The following PITPNA variants were observed in gnomAD, a reference collection of about 807,000 sequenced individuals.
PITPNA encodes the protein phosphatidylinositol transfer protein alpha.
A neutral mutation model predicts 50.3 loss-of-function variants in PITPNA; 13 were observed. The ratio of observed to expected loss-of-function variants is 0.26; its 90% CI spans 0.17 to 0.41. PITPNA has a LOEUF of 0.41. Ranked by LOEUF, PITPNA falls within the 10% of genes least tolerant of loss-of-function variation. PITPNA has a pLI of 1.00. For synonymous variants in PITPNA, 120 were observed against 119.6 expected (o/e 1.00, Z -0.02); for missense variants, 207 against 333.4 (o/e 0.62, Z 2.95).
intron 10 of PITPNA, among the ~76,000 whole-genome samples, chr17:1,528,541 A>G (rs1415032861): frequency 1.3e-5 from 2 of 152,018 alleles, no homozygotes; most frequent in Admixed American, 6.6e-5. Context: ...GAGACCAGTA[A>G]TTCAAGACCA....
At chr17:1,549,243 A>G (rs1037818750) in intron 3 of PITPNA, among the ~76,000 whole-genome samples, 1 of 146,246 alleles carries the variant, frequency 6.8e-6, no homozygotes, top group African/African-American at 2.5e-5. Flanking sequence ...ACAGAACAAC[A>G]TGTACAGTAT....
At chr17:1,546,812 G>T (rs1347886048) in intron 4 of PITPNA, among the ~76,000 whole-genome samples, 4 of 152,158 alleles carry the variant, frequency 2.6e-5, no homozygotes, top group African/African-American at 9.7e-5. Context: ...AGAATGTCTG[G>T]ACTAGAATAG....
chr17:1,549,380 G>A (rs1434195055), intron 3 of PITPNA, among the ~76,000 whole-genome samples: 3 of 146,040 alleles, frequency 2.1e-5, no homozygotes, highest in African/African-American at 7.7e-5. Flanking sequence ...GTAGTGGCTC[G>A]ATCTTGGCTC....
At chr17:1,558,132 G>A (rs1360043016) in intron 2 of PITPNA, among the ~76,000 whole-genome samples, 1 of 151,726 alleles carries the variant, frequency 6.6e-6, no homozygotes, top group Non-Finnish European at 1.5e-5. Flanking sequence ...TTGGGAGGCT[G>A]AGGCAGGAGA....
intron 4 of PITPNA, among the ~76,000 whole-genome samples, chr17:1,546,867 A>C (rs2075677284): frequency 6.6e-6 from 1 of 152,136 alleles, no homozygotes; most frequent in African/African-American, 2.4e-5. Flanking sequence ...CTTTCAAGAA[A>C]CTCTATGCAG....
At chr17:1,532,467 AAGCAGATCC>A (rs755221456) in intron 10 of PITPNA, among the ~76,000 whole-genome samples, 130 of 152,188 alleles carry the variant, frequency 8.5e-4, no homozygotes, top group Non-Finnish European at 1.6e-3. Flanking sequence ...GATCTGAACA[AAGCAGATCC>A]AGTAGATCCT....
chr17:1,562,602 TC>T lies in PITPNA; in HGVS notation c.-43del. The T allele has an allele frequency of 8.1e-7, 1 of 1,227,588 alleles. No homozygotes were observed. Among genetic ancestry groups the T allele is most frequent in the South Asian group, 3.1e-5 (1 of 31,968 alleles). The allele number at this position is 1,227,588 out of a possible 1,614,324, so 76.0% of individuals were successfully genotyped here. A position where few individuals can be genotyped will look rare whatever the true frequency, so the allele number is the denominator to read the frequency against. On this transcript the variant is annotated 5_prime_UTR_variant, in exon 1 of 12. Transcript: ENST00000313486. This position sits in a 1 kb window ranked among gnomAD's most constrained non-coding sequence, Gnocchi z 6.4. ...GTGGCTGCCCGCGGCCCGCCCGGCCTCCCGCCCGCTGCCCGCCGGCCGCTCT... is the reference window on the plus strand; with the variant it reads ...GTGGCTGCCCGCGGCCCGCCCGGCCTCCGCCCGCTGCCCGCCGGCCGCTCT...
intron 3 of PITPNA, among the ~76,000 whole-genome samples, chr17:1,548,739 T>C (rs145114165): frequency 3.0e-4 from 45 of 152,172 alleles, no homozygotes; most frequent in Admixed American, 1.3e-3. Context: ...AGGAGATGCC[T>C]CCAAGCATGA....
chr17:1,550,190 A>G (rs2075700815), intron 3 of PITPNA, among the ~76,000 whole-genome samples: 1 of 152,168 alleles, frequency 6.6e-6, no homozygotes, highest in African/African-American at 2.4e-5. Context: ...GAAACCAAAC[A>G]GATGTGGCTC....
intron 10 of PITPNA, among the ~76,000 whole-genome samples, chr17:1,523,801 A>G (rs1340074272): frequency 6.6e-6 from 1 of 151,746 alleles, no homozygotes; most frequent in Admixed American, 6.6e-5. Context: ...GAGCCACTGC[A>G]CCCAGCCACC....
chr17:1,554,067 C>T (rs1426134056), intron 2 of PITPNA, among the ~76,000 whole-genome samples: 2 of 152,204 alleles, frequency 1.3e-5, no homozygotes, highest in Admixed American at 6.5e-5. Context: ...CTCCTCTGAC[C>T]CTGTCAGGAT....
At chr17:1,528,793 C>G (rs932875667) in intron 10 of PITPNA, among the ~76,000 whole-genome samples, 2 of 151,608 alleles carry the variant, frequency 1.3e-5, no homozygotes, top group African/African-American at 2.4e-5. Flanking sequence ...GGGATGTTGG[C>G]TGATGTTCCA....
At chr17:1,559,324 A>G (rs987412836) in intron 1 of PITPNA, among the ~76,000 whole-genome samples, 1 of 152,168 alleles carries the variant, frequency 6.6e-6, no homozygotes, top group Non-Finnish European at 1.5e-5. Flanking sequence ...ATTGCTGGAG[A>G]TGCCACCAGC....
In PITPNA at chr17:1,553,527, C is replaced by G. The variant is rs571706993; in HGVS notation, c.52-378G>C. ...AAAGTGCTGAGATTATAAGCATGAG[C>G]CACCGTTCCCAGTCAATCCATCAGG... On this transcript the variant is annotated intron_variant, in intron 2 of 11. Transcript: ENST00000313486. 2.0e-5 allele frequency among the ~76,000 whole-genome samples: 3 copies of G among 152,216 alleles called. No individual in the cohort carries two copies. The South Asian group carries it at 6.2e-4, about 32-fold the overall frequency.
chr17:1,548,605 CAG>C (rs2075691298), intron 3 of PITPNA, among the ~76,000 whole-genome samples: 1 of 152,158 alleles, frequency 6.6e-6, no homozygotes, highest in Non-Finnish European at 1.5e-5. Flanking sequence ...CCACCAGAAA[CAG>C]GACCACACAA....
chr17:1,539,329 G>A (rs2075635815), intron 6 of PITPNA, among the ~76,000 whole-genome samples: 1 of 151,826 alleles, frequency 6.6e-6, no homozygotes, highest in Non-Finnish European at 1.5e-5. Context: ...TGATCCTCCT[G>A]TCTCAGTCTC....
chr17:1,556,648 T>A (rs1367061619), intron 2 of PITPNA, among the ~76,000 whole-genome samples: 2 of 152,088 alleles, frequency 1.3e-5, no homozygotes, highest in South Asian at 2.1e-4. Flanking sequence ...AATCCCGAGT[T>A]CCTGGGGCAC....
At chr17:1,532,779 G>A (rs1203421626) in intron 10 of PITPNA, among the ~76,000 whole-genome samples, 7 of 152,276 alleles carry the variant, frequency 4.6e-5, no homozygotes, top group African/African-American at 9.6e-5. Context: ...GATCCTTAGC[G>A]AAAGAATCAG....
intron 3 of PITPNA, among the ~76,000 whole-genome samples, chr17:1,551,192 G>C (rs986118057): frequency 2.0e-5 from 3 of 152,228 alleles, no homozygotes; most frequent in Non-Finnish European, 4.4e-5. Context: ...TTTCTGCTTT[G>C]GGCAGCCAGA....
Sources: allele counts gnomAD v4.1 joint callset (sites outside exome capture counted in the v4.1 genomes callset), GRCh38; gene constraint gnomAD v4.1.1; non-coding constraint Gnocchi (gnomAD v3.1); transcripts MANE v1.5; gene names NCBI Gene and HGNC (gene_info 2026-07-23, HGNC 2026-07-21).